KEAP1: variants seen among roughly 807,000 people sequenced by gnomAD.
The protein encoded by KEAP1 is kelch like ECH associated protein 1.
In KEAP1, 26 loss-of-function variants were observed where a neutral mutation model predicts 59.7. The ratio of observed to expected loss-of-function variants is 0.44; its 90% CI spans 0.32 to 0.60. The LOEUF is 0.60. KEAP1 is among the 20% of genes least tolerant of loss of function. The pLI is 0.06. For synonymous variants in KEAP1, 350 were observed against 358.3 expected (o/e 0.98, Z 0.26); for missense variants, 539 against 871.4 (o/e 0.62, Z 4.80).
At chr19:10,493,211 T>C (rs1360972771) in intron 2 of KEAP1, among the ~76,000 whole-genome samples, 3 of 150,426 alleles carry the variant, frequency 2.0e-5, no homozygotes, top group Non-Finnish European at 2.9e-5. Context: ...CAGGCTGGAG[T>C]GCAGTGGAGC....
At chr19:10,488,353 C>T (rs549286117) in intron 5 of KEAP1, among the ~76,000 whole-genome samples, 1 of 151,258 alleles carries the variant, frequency 6.6e-6, no homozygotes, top group South Asian at 2.1e-4. Flanking sequence ...TGGCTCACAC[C>T]TGTAATCCCA....
Position 10,486,528 on chromosome 19 carries a change from C to T in KEAP1, c.*124G>A. The T allele has an allele frequency of 2.0e-6, 2 of 980,226 alleles. No individual in the cohort carries two copies. Among genetic ancestry groups the T allele is most frequent in the Non-Finnish European group, 3.1e-6 (2 of 645,070 alleles). 60.7% of individuals were successfully genotyped at this position (980,226 alleles called of 1,614,324 possible). A position where few individuals can be genotyped will look rare whatever the true frequency, so the allele number is the denominator to read the frequency against. ...AGATGTCATTTTAACACTGAGGCAT[C>T]CTGGCCTCCCTTCCCGGAAGATGGG... On this transcript the variant is annotated 3_prime_UTR_variant, in exon 6 of 6. Coordinates refer to ENST00000171111, the MANE Select transcript of KEAP1 (RefSeq NM_203500.2).
intron 2 of KEAP1, among the ~76,000 whole-genome samples, chr19:10,498,874 T>C (rs11880062): frequency 0.12 from 18,852 of 151,790 alleles, 1,423 homozygotes; most frequent in African/African-American, 0.21. Context: ...CTTGCTCTGT[T>C]GCGCAAGCTG....
intron 1 of KEAP1, among the ~76,000 whole-genome samples, chr19:10,501,702 C>T (rs919778138): frequency 5.9e-5 from 9 of 152,020 alleles, no homozygotes; most frequent in African/African-American, 1.9e-4. Flanking sequence ...CCAGCCACCA[C>T]GATGGGCTAA....
chr19:10,494,806 C>G (rs1914797748), intron 2 of KEAP1, among the ~76,000 whole-genome samples: 1 of 151,262 alleles, frequency 6.6e-6, no homozygotes, highest in Non-Finnish European at 1.5e-5. Context: ...AGGTGCCCAC[C>G]ACCATATCCA....
intron 2 of KEAP1, among the ~76,000 whole-genome samples, chr19:10,494,629 G>T (rs1914789258): frequency 6.8e-6 from 1 of 146,756 alleles, no homozygotes; most frequent in Non-Finnish European, 1.5e-5. Context: ...GAGCCACCGC[G>T]CCTGGCCTCT....
rs1023513846 is a variant in KEAP1, at chr19:10,492,328, G to C, written c.640-66C>G. 42 of 1,252,112 alleles carry C rather than the reference G, an allele frequency of 3.4e-5. No individual in the cohort carries two copies. In the African/African-American group the frequency reaches 4.3e-4, roughly 13 times the overall value. 77.6% of individuals were successfully genotyped at this position (1,252,112 alleles called of 1,614,324 possible). On this transcript the variant is annotated intron_variant, in intron 2 of 5. Transcript: ENST00000171111. ...CCCCCACACCTCACCAAGCAGGACC[G>C]GGACAAGTAACTTATCACTGCCGCT...
chr19:10,490,238 C>T (rs542074676), intron 3 of KEAP1: 79 of 163,002 alleles, frequency 4.8e-4, no homozygotes, highest in Non-Finnish European at 6.7e-4. Context: ...GGCAACAGAG[C>T]GAGACTCCAT....
rs2144596334 is a variant in KEAP1 at position 10,491,602 on chromosome 19, A to G, written c.1300T>C (p.Cys434Arg). Reference sequence around the variant, plus strand: ...CTCTCCACACTGTTGTGGTGGATGCAGCCGTGGGAGCCGCCGACGGCATAG... The same window carrying G: ...CTCTCCACACTGTTGTGGTGGATGCGGCCGTGGGAGCCGCCGACGGCATAG... ...HIYAVGGSHG[C>R]IHHNSVERYE... The change falls in exon 3 of 6, where the codon TGC (cysteine) becomes CGC (arginine). Residue 434 changes from cysteine to arginine, a missense_variant. By Grantham distance (180) the Cys-to-Arg change is radical (BLOSUM62 -3). Transcript: ENST00000171111. The surrounding 1 kb of genome is among the most constrained non-coding windows in gnomAD (Gnocchi z 5.2). 1 of 1,574,630 alleles carries G rather than the reference A, an allele frequency of 6.4e-7. No homozygotes were observed. Among genetic ancestry groups the G allele is most frequent in the Non-Finnish European group, 8.6e-7 (1 of 1,161,758 alleles).
chr19:10,496,199 A>ATT (rs1293439219), intron 2 of KEAP1, among the ~76,000 whole-genome samples: 11 of 45,104 alleles, frequency 2.4e-4, no homozygotes, highest in Non-Finnish European at 7.5e-5. Flanking sequence ...TAAAAAAAGA[A>ATT]AAAAAAAAAA....
At chr19:10,498,004 G>A (rs532196601) in intron 2 of KEAP1, among the ~76,000 whole-genome samples, 53 of 151,882 alleles carry the variant, frequency 3.5e-4, no homozygotes, top group Middle Eastern at 3.4e-3. Flanking sequence ...GGGTTCAAGC[G>A]ATTCTCCTGC....
chr19:10,493,558 T>A (rs1407805937), intron 2 of KEAP1, among the ~76,000 whole-genome samples: 2 of 73,242 alleles, frequency 2.7e-5, no homozygotes, highest in South Asian at 3.6e-4. Context: ...TCTCAAACTC[T>A]TTTTTTTTTT....
chr19:10,499,835 T>G lies in KEAP1; in HGVS notation c.199A>C (p.Met67Leu). Residue 67 changes from methionine (M) to leucine (L), a missense_variant, in exon 2 of 6, where the codon ATG becomes CTG. By Grantham distance (15) the Met-to-Leu change is conservative. This residue lies in a region of KEAP1 where 166 missense variants were observed against 295.8 expected (regional missense o/e 0.56). Coordinates refer to ENST00000171111, the MANE Select transcript of KEAP1 (RefSeq NM_203500.2). The surrounding 1 kb of genome is among the most constrained non-coding windows in gnomAD (Gnocchi z 6.7). ...EDHTKQAFGI[M>L]NELRLSQQLC... The stretch of plus-strand genomic sequence containing the variant: ...TGCTGGCTGAGCCGCAGCTCGTTCA[T>G]GATGCCAAAGGCCTGCTTGGTATGA... The G allele has an allele frequency of 1.2e-6, 2 of 1,613,984 alleles. No homozygotes were observed. The highest frequency in any genetic ancestry group is 1.7e-6 in the Non-Finnish European group (2 of 1,180,018).
chr19:10,490,029 A>G (rs973109656), intron 3 of KEAP1, among the ~76,000 whole-genome samples, 176 bp from the exon 4 acceptor site: 1 of 151,660 alleles, frequency 6.6e-6, no homozygotes, highest in Non-Finnish European at 1.5e-5. Context: ...AGGAGGGCGG[A>G]TCACCTGAGC....
rs1243835421 is a variant in KEAP1, at chr19:10,502,654, G to A, written c.-48+587C>T. On this transcript the variant is annotated intron_variant, in intron 1 of 5. Coordinates refer to ENST00000171111, the MANE Select transcript of KEAP1 (RefSeq NM_203500.2). This position sits in a 1 kb window ranked among gnomAD's most constrained non-coding sequence, Gnocchi z 4.0. ...CGGGCACGGCCGCAGGGGCGCTCGC[G>A]GCCCGCGATGCCCGCAGCCCGGGCA... is the stretch of plus-strand genomic sequence containing the variant. 2 of 151,824 alleles carry A rather than the reference G, an allele frequency of 1.3e-5. No homozygotes were observed. Among genetic ancestry groups the A allele is most frequent in the African/African-American group, 4.8e-5 (2 of 41,362 alleles). The allele number at this position is 151,824 out of a possible 1,614,324, so 9.4% of individuals were successfully genotyped here.
intron 2 of KEAP1, among the ~76,000 whole-genome samples, chr19:10,495,883 C>T (rs1914831164): frequency 6.6e-6 from 1 of 152,048 alleles, no homozygotes; most frequent in Non-Finnish European, 1.5e-5. Flanking sequence ...TATACAGAGC[C>T]CTGGATAAAT....
At chr19:10,498,190 G>GTGTC (rs1914915943) in intron 2 of KEAP1, among the ~76,000 whole-genome samples, 1 of 138,372 alleles carries the variant, frequency 7.2e-6, no homozygotes, top group Admixed American at 7.8e-5. Flanking sequence ...ATGAGCCACC[G>GTGTC]CGCCCAGGCT....
chr19:10,499,380 C>T lies in KEAP1; in HGVS notation c.639+15G>A, dbSNP rs2144623799. The T allele has an allele frequency of 6.4e-7, 1 of 1,561,990 alleles. No individual in the cohort carries two copies. Among genetic ancestry groups the T allele is most frequent in the Non-Finnish European group, 8.7e-7 (1 of 1,155,254 alleles). On this transcript the variant is annotated intron_variant, in intron 2 of 5. Transcript: ENST00000171111. The surrounding 1 kb of genome is among the most constrained non-coding windows in gnomAD (Gnocchi z 6.7). ...CTTCTCCTGACACTGCCCCCAGCCC[C>T]ACTTCCCCGCTCACCTCCCCAAAAT... is the stretch of plus-strand genomic sequence containing the variant.
In KEAP1 at chr19:10,486,428, T is replaced by C. The variant is rs2144576176; in HGVS notation, c.*224A>G. On this transcript the variant is annotated 3_prime_UTR_variant, in exon 6 of 6. Transcript: ENST00000171111. ...GAAGCCTGCTCTTTCCACACCCCCTTTCCCAGCCAGGCTGTCTTGGACACT... is the reference window on the plus strand; with the variant it reads ...GAAGCCTGCTCTTTCCACACCCCCTCTCCCAGCCAGGCTGTCTTGGACACT... The C allele has an allele frequency of 1.9e-6, 1 of 525,010 alleles. No individual in the cohort carries two copies. Among genetic ancestry groups the C allele is most frequent in the East Asian group, 3.4e-5 (1 of 29,726 alleles). The allele number at this position is 525,010 out of a possible 1,614,324, so 32.5% of individuals were successfully genotyped here.
Sources: gnomAD v4.1 joint callset for allele counts (sites outside exome capture counted in the v4.1 genomes callset) on GRCh38, gnomAD v4.1.1 for gene constraint, gnomAD v4.1.1 regional missense constraint, Gnocchi (gnomAD v3.1) non-coding constraint, MANE v1.5 for transcripts, NCBI Gene and HGNC (gene_info 2026-07-23, HGNC 2026-07-21) for gene names.